C1orf105: variants seen among roughly 807,000 people sequenced by gnomAD.
The protein encoded by C1orf105 is chromosome 1 open reading frame 105.
A neutral mutation model predicts 20.8 loss-of-function variants in C1orf105; 17 were observed. The ratio of observed to expected loss-of-function variants is 0.82; its 90% CI spans 0.56 to 1.23. C1orf105 has a LOEUF of 1.23. C1orf105 is among the 50% of genes most tolerant of loss of function. C1orf105 has a pLI of 0.00. For missense variants in C1orf105, 219 were observed against 213.5 expected (o/e 1.03, Z -0.16); for synonymous variants, 72 against 72.1 (o/e 1.00, Z 0.01).
rs115492827 is a variant in C1orf105, at chr1:172,459,908, C to A, written c.274-2270C>A. ...TAAAACATGCTATAACATGGATGAACCTTGAAAACATTTTGCTAAGTAAAA... is the reference window on the plus strand; with the variant it reads ...TAAAACATGCTATAACATGGATGAAACTTGAAAACATTTTGCTAAGTAAAA... On this transcript the variant is annotated intron_variant, in intron 4 of 6. Coordinates refer to ENST00000367727, the MANE Select transcript of C1orf105 (RefSeq NM_139240.4). Among the ~76,000 whole-genome samples the A allele has an allele frequency of 7.7e-3, 1,164 of 152,132 alleles. 21 individuals carry two copies. The highest frequency in any genetic ancestry group is 0.027 in the African/African-American group (1,102 of 41,492).
At chr1:172,462,059 A>C in intron 4 of C1orf105, 119 bp from the exon 5 acceptor site, 1 of 736,942 alleles carries the variant, frequency 1.4e-6, no homozygotes, top group South Asian at 1.7e-5. Context: ...TCACATCACA[A>C]AAGGATGTAT....
chr1:172,462,282 C>A (rs759167999), intron 5 of C1orf105, 37 bp downstream of exon 5: 3 of 1,443,632 alleles, frequency 2.1e-6, no homozygotes, highest in Non-Finnish European at 2.9e-6. Flanking sequence ...TGACTTAATT[C>A]TTGTTATGTC....
chr1:172,421,474 G>T (rs1235301906), intron 1 of C1orf105, among the ~76,000 whole-genome samples: 1 of 152,046 alleles, frequency 6.6e-6, no homozygotes, highest in Non-Finnish European at 1.5e-5. Context: ...TTATGATAGG[G>T]TTACATCTCA....
intron 6 of C1orf105, among the ~76,000 whole-genome samples, chr1:172,467,981 T>C (rs1477131893): frequency 1.3e-5 from 2 of 152,224 alleles, no homozygotes; most frequent in African/African-American, 4.8e-5. Context: ...GTCCCTACTG[T>C]AGCCTTTTTA....
intron 3 of C1orf105, among the ~76,000 whole-genome samples, chr1:172,455,537 C>T (rs909958654): frequency 2.0e-5 from 3 of 152,180 alleles, no homozygotes; most frequent in Non-Finnish European, 4.4e-5. Flanking sequence ...AGAGAGAATC[C>T]CAAACATAAG....
At chr1:172,442,805 T>C in intron 1 of C1orf105, 1 of 589,382 alleles carries the variant, frequency 1.7e-6, no homozygotes, top group South Asian at 2.3e-5. Flanking sequence ...AATTTGTCTC[T>C]GAGGCAGGAC....
intron 3 of C1orf105, among the ~76,000 whole-genome samples, chr1:172,451,332 C>T (rs6673869): frequency 0.26 from 39,504 of 152,182 alleles, 5,485 homozygotes; most frequent in East Asian, 0.35. Flanking sequence ...GATAAGAACA[C>T]TATTTATTTT....
At chr1:172,433,812 T>C (rs1051097184) in intron 1 of C1orf105, among the ~76,000 whole-genome samples, 11 of 152,070 alleles carry the variant, frequency 7.2e-5, no homozygotes, top group Non-Finnish European at 1.3e-4. Context: ...GACTGGCAAA[T>C]TGGATAAAGA....
At chr1:172,466,798 T>G (rs896664351) in intron 6 of C1orf105, among the ~76,000 whole-genome samples, 1 of 152,210 alleles carries the variant, frequency 6.6e-6, no homozygotes, top group Non-Finnish European at 1.5e-5. Flanking sequence ...TGGCCCTGAT[T>G]CTTGTCCATA....
chr1:172,430,426 G>C lies in C1orf105; in HGVS notation c.21+9520G>C. ...AGAACGTTTAATGAATTTTTAATTT[G>C]CAATTTTTCTTAAACCTTTTTTTAT... On this transcript the variant is annotated intron_variant, in intron 1 of 6. Transcript: ENST00000367727. The C allele has an allele frequency of 4.9e-6, 3 of 610,812 alleles. No homozygotes were observed. The South Asian group carries it at 5.7e-5, about 12-fold the overall frequency. 37.8% of individuals were successfully genotyped at this position (610,812 alleles called of 1,614,324 possible).
chr1:172,447,858 T>C (rs530433553), intron 2 of C1orf105, among the ~76,000 whole-genome samples: 1 of 152,208 alleles, frequency 6.6e-6, no homozygotes, highest in Non-Finnish European at 1.5e-5. Context: ...CCCCTTACAC[T>C]GTAATGAAAT....
chr1:172,438,470 C>T (rs1028442360), intron 1 of C1orf105, among the ~76,000 whole-genome samples: 1 of 152,108 alleles, frequency 6.6e-6, no homozygotes, highest in Non-Finnish European at 1.5e-5. Flanking sequence ...AGCAAGAGAA[C>T]TAGAAGTGGT....
intron 6 of C1orf105, among the ~76,000 whole-genome samples, chr1:172,466,888 G>A (rs1558147685): frequency 6.6e-6 from 1 of 152,122 alleles, no homozygotes; most frequent in Non-Finnish European, 1.5e-5. Context: ...CTGAAGCTTG[G>A]TAGATCTACT....
chr1:172,445,141 G>C lies in C1orf105; in HGVS notation c.90G>C (p.Val30=). 1 of 1,611,878 alleles carries C rather than the reference G, an allele frequency of 6.2e-7. No homozygotes were observed. The highest frequency in any genetic ancestry group is 8.5e-7 in the Non-Finnish European group (1 of 1,179,136). The change falls in exon 2 of 7, where the codon GTG becomes GTC. Residue 30 remains valine, a synonymous_variant. Transcript: ENST00000367727. ...SEASLVNKPL[V]LSLPRRYPHT... is the part of the protein sequence containing the mutation. ...CCAGCCTTGTAAACAAGCCATTAGTGCTCAGCCTTCCCAGAAGGTAACCTC... is the reference window on the plus strand; with the variant it reads ...CCAGCCTTGTAAACAAGCCATTAGTCCTCAGCCTTCCCAGAAGGTAACCTC...
At position 172,468,600 on chromosome 1, in the gene C1orf105, A is replaced by C. The variant is rs1451984193; in HGVS notation, c.*6A>C. The C allele has an allele frequency of 3.1e-6, 5 of 1,612,496 alleles. No homozygotes were observed. Among genetic ancestry groups the C allele is most frequent in the Middle Eastern group, 3.3e-4 (2 of 6,050 alleles). On this transcript the variant is annotated 3_prime_UTR_variant, in exon 7 of 7. Coordinates refer to ENST00000367727, the MANE Select transcript of C1orf105 (RefSeq NM_139240.4). Reference sequence around the variant, plus strand: ...GCAAGACAACGAGGCAGTGAGCGGTAGGAGCTCATCACCTCCCAGACTCCC... The same window carrying C: ...GCAAGACAACGAGGCAGTGAGCGGTCGGAGCTCATCACCTCCCAGACTCCC...
intron 1 of C1orf105, chr1:172,444,323 T>C (rs911608597): frequency 2.0e-6 from 2 of 984,856 alleles, no homozygotes; most frequent in African/African-American, 3.5e-5. Context: ...GCTGGGCCAG[T>C]AGGTGAGAGA....
chr1:172,431,996 C>A (rs1378742509), intron 1 of C1orf105, among the ~76,000 whole-genome samples: 1 of 152,246 alleles, frequency 6.6e-6, no homozygotes, highest in African/African-American at 2.4e-5. Flanking sequence ...TGTAGCACAG[C>A]AGTCTGAAAT....
chr1:172,455,571 T>C (rs1649148864), intron 3 of C1orf105, among the ~76,000 whole-genome samples: 1 of 152,252 alleles, frequency 6.6e-6, no homozygotes, highest in Non-Finnish European at 1.5e-5. Flanking sequence ...TCCTATATGC[T>C]TCCTAAGCAA....
At chr1:172,441,512 A>G (rs1033587554) in intron 1 of C1orf105, 2 of 418,742 alleles carry the variant, frequency 4.8e-6, no homozygotes, top group Non-Finnish European at 8.4e-6. Flanking sequence ...ACAGCATGTA[A>G]TTCAAGAGGT....
Sources: gnomAD v4.1 joint callset for allele counts (sites outside exome capture counted in the v4.1 genomes callset) on GRCh38, gnomAD v4.1.1 for gene constraint, MANE v1.5 for transcripts, NCBI Gene and HGNC (gene_info 2026-07-23, HGNC 2026-07-21) for gene names.